The following IFNAR1 variants were observed in gnomAD, a reference collection of about 807,000 sequenced individuals.
The protein encoded by IFNAR1 is interferon alpha/beta receptor 1.
IFNAR1 carries 47 observed loss-of-function variants against 62.1 expected under a neutral mutation model. That is an observed-to-expected ratio of 0.76 (90% CI 0.60 to 0.97). IFNAR1 has a LOEUF of 0.97. IFNAR1 is among the 50% of genes least tolerant of loss of function. The pLI, the probability that IFNAR1 is intolerant of heterozygous loss-of-function variation, is 0.00. For synonymous variants in IFNAR1, 219 were observed against 226.9 expected (o/e 0.97, Z 0.31); for missense variants, 638 against 654.5 (o/e 0.97, Z 0.27).
At chr21:33,337,543 G>A (rs1046347670) in intron 2 of IFNAR1, among the ~76,000 whole-genome samples, 1 of 152,056 alleles carries the variant, frequency 6.6e-6, no homozygotes, top group South Asian at 2.1e-4. Flanking sequence ...CACTATTCTC[G>A]AGTTGTAACT....
At position 33,342,707 on chromosome 21, in the gene IFNAR1, A is replaced by AC. The variant is rs1338482273; in HGVS notation, c.377-560dup. On this transcript the variant is annotated intron_variant, in intron 3 of 10. Coordinates refer to ENST00000270139, the MANE Select transcript of IFNAR1 (RefSeq NM_000629.3). ...AAAATACAAAAAAAAAAAAAAAAAA[A>AC]CTAGCCGGGCATGGTGGCGGGAGCC... Among the ~76,000 whole-genome samples, 5 of 147,950 alleles carry AC rather than the reference A, an allele frequency of 3.4e-5. No individual in the cohort carries two copies. In the East Asian group the frequency reaches 8.0e-4, roughly 24 times the overall value.
At chr21:33,352,606 AAAAACAAAAC>A (rs367655910) in intron 8 of IFNAR1, 142 bp from the exon 9 acceptor site, 43 of 489,836 alleles carry the variant, frequency 8.8e-5, no homozygotes, top group South Asian at 2.8e-4. Flanking sequence ...GTCTCACAAA[AAAAACAAAAC>A]AAAACAAAAC....
intron 6 of IFNAR1, 22 bp from the exon 7 acceptor site, chr21:33,349,069 T>TA: frequency 6.9e-7 from 1 of 1,452,008 alleles, no homozygotes; most frequent in Non-Finnish European, 9.5e-7. Context: ...CTAATGAATT[T>TA]AAAAAATATT....
intron 1 of IFNAR1, among the ~76,000 whole-genome samples, chr21:33,330,143 A>G (rs1183504774): frequency 6.6e-6 from 1 of 152,238 alleles, no homozygotes; most frequent in Non-Finnish European, 1.5e-5. Context: ...AGCAATCTGC[A>G]CACAACTTAC....
chr21:33,350,479 GA>G (rs2083388218), intron 8 of IFNAR1, among the ~76,000 whole-genome samples: 1 of 151,992 alleles, frequency 6.6e-6, no homozygotes, highest in Non-Finnish European at 1.5e-5. Flanking sequence ...GAAGGATTAG[GA>G]AAAAATTGCC....
At chr21:33,348,915 A>G (rs1027079137) in intron 6 of IFNAR1, among the ~76,000 whole-genome samples, 176 bp from the exon 7 acceptor site, 1 of 152,198 alleles carries the variant, frequency 6.6e-6, no homozygotes, top group Admixed American at 6.5e-5. Context: ...ACATGACCAC[A>G]GTCTGGAACA....
intron 3 of IFNAR1, among the ~76,000 whole-genome samples, chr21:33,342,307 A>G (rs2083298619): frequency 6.6e-6 from 1 of 152,128 alleles, no homozygotes; most frequent in Admixed American, 6.6e-5. Flanking sequence ...GCTATTCAGG[A>G]AGCTGAAGAG....
chr21:33,348,642 A>G (rs1351510962), intron 6 of IFNAR1, among the ~76,000 whole-genome samples: 1 of 152,094 alleles, frequency 6.6e-6, no homozygotes, highest in Non-Finnish European at 1.5e-5. Flanking sequence ...TCTCTACTAA[A>G]AATACAAAAA....
intron 2 of IFNAR1, among the ~76,000 whole-genome samples, chr21:33,336,193 G>A (rs2083232939): frequency 1.4e-5 from 2 of 138,820 alleles, no homozygotes; most frequent in African/African-American, 2.7e-5. Context: ...TTGTTCTTGC[G>A]ATAGTTTACT....
intron 1 of IFNAR1, among the ~76,000 whole-genome samples, chr21:33,328,684 C>A (rs2083149706): frequency 6.6e-6 from 1 of 152,030 alleles, no homozygotes; most frequent in Non-Finnish European, 1.5e-5. Context: ...AGAAAACTAT[C>A]CAAAATATGG....
chr21:33,325,511 C>T (rs1023204941), intron 1 of IFNAR1, among the ~76,000 whole-genome samples: 3 of 152,178 alleles, frequency 2.0e-5, no homozygotes, highest in Non-Finnish European at 2.9e-5. Context: ...TGAATAGGCG[C>T]CCAGTCCCAC....
rs759821147 is a variant in IFNAR1 at position 33,343,682 on chromosome 21, G to A, written c.673+6G>A. The A allele has an allele frequency of 2.5e-6, 4 of 1,568,792 alleles. No individual in the cohort carries two copies. In the Admixed American group the frequency reaches 6.1e-5, roughly 24 times the overall value. ...ACATTGTATAAAGACCACAGGTAAG[G>A]AAGATGTTTTGTTTTAGATTCAATA... On this transcript the variant is annotated splice_donor_region_variant and intron_variant, in intron 5 of 10. Coordinates refer to ENST00000270139, the MANE Select transcript of IFNAR1 (RefSeq NM_000629.3).
At chr21:33,334,521 A>T in intron 1 of IFNAR1, 1 of 409,618 alleles carries the variant, frequency 2.4e-6, no homozygotes, top group South Asian at 2.2e-5. Flanking sequence ...GTTCTTAGAT[A>T]GACAAAAGCT....
At chr21:33,336,747 C>CTTTT (rs562998490) in intron 2 of IFNAR1, among the ~76,000 whole-genome samples, 3 of 92,694 alleles carry the variant, frequency 3.2e-5, no homozygotes, top group African/African-American at 8.3e-5. Context: ...TTTAGGTACA[C>CTTTT]TTTTTTTTTT....
intron 3 of IFNAR1, among the ~76,000 whole-genome samples, chr21:33,342,490 T>C (rs1686204973): frequency 6.6e-6 from 1 of 152,050 alleles, no homozygotes; most frequent in Admixed American, 6.6e-5. Flanking sequence ...TCCCTTTCTA[T>C]ACTAATCTTC....
At chr21:33,347,864 AC>A (rs1365018189) in intron 6 of IFNAR1, among the ~76,000 whole-genome samples, 1 of 152,224 alleles carries the variant, frequency 6.6e-6, no homozygotes, top group African/African-American at 2.4e-5. Context: ...ACATTTGGAC[AC>A]CAGGTGGCAA....
chr21:33,356,751 A>C lies in IFNAR1; in HGVS notation c.*1202A>C, dbSNP rs1174982962. On this transcript the variant is annotated 3_prime_UTR_variant, in exon 11 of 11. Transcript: ENST00000270139. ...AGAAGTCTTGGGACCAGAAAATGGC[A>C]ATGATAGGAGACTGACATAGAAGAA... 6.6e-6 allele frequency: 1 copy of C among 152,236 alleles called. No individual in the cohort carries two copies. Among genetic ancestry groups the C allele is most frequent in the Non-Finnish European group, 1.5e-5 (1 of 68,042 alleles). 9.4% of individuals were successfully genotyped at this position (152,236 alleles called of 1,614,324 possible).
chr21:33,349,257 T>C lies in IFNAR1; in HGVS notation c.955T>C (p.Ser319Pro). 1 of 1,610,768 alleles carries C rather than the reference T, an allele frequency of 6.2e-7. No homozygotes were observed. Among genetic ancestry groups the C allele is most frequent in the Non-Finnish European group, 8.5e-7 (1 of 1,177,842 alleles). Residue 319 changes from serine (S) to proline (P), a missense_variant, in exon 7 of 11, where the codon TCT (serine) becomes CCT (proline). Coordinates refer to ENST00000270139, the MANE Select transcript of IFNAR1 (RefSeq NM_000629.3). ...ASDGNNTSFW[S>P]EEIKFDTEIQ... ...TGATGGAAATAACACATCTTTTTGG[T>C]CTGAAGAGATAAAGTTTGATACTGA... is the stretch of plus-strand genomic sequence containing the variant.
At position 33,341,009 on chromosome 21, in the gene IFNAR1, G is replaced by T. The variant is rs768896911; in HGVS notation, c.211G>T (p.Asp71Tyr). Reference protein sequence around the residue: ...FSFDYQKTGMDNWIKLSGCQN... With the variant: ...FSFDYQKTGMYNWIKLSGCQN... ...TTTTTTACTTTAAAGAACTGGGATG[G>T]ATAATTGGATAAAATTGTCTGGGTG... Residue 71 changes from aspartate to tyrosine, a missense_variant, in exon 3 of 11, where the codon GAT becomes TAT. By Grantham distance (160) the Asp-to-Tyr change is radical. Transcript: ENST00000270139. The T allele has an allele frequency of 8.1e-6, 13 of 1,606,556 alleles. No homozygotes were observed. The highest frequency in any genetic ancestry group is 1.1e-5 in the Non-Finnish European group (13 of 1,174,368).
Sources: gnomAD v4.1 joint callset for allele counts (sites outside exome capture counted in the v4.1 genomes callset) on GRCh38, gnomAD v4.1.1 for gene constraint, MANE v1.5 for transcripts, NCBI Gene and HGNC (gene_info 2026-07-23, HGNC 2026-07-21) for gene names.